The following ZRANB3 variants were observed in gnomAD, a reference collection of about 807,000 sequenced individuals.
The protein encoded by ZRANB3 is zinc finger RANBP2-type containing 3.
ZRANB3 carries 125 observed loss-of-function variants against 133.8 expected under a neutral mutation model. The ratio of observed to expected loss-of-function variants is 0.93; its 90% confidence interval spans 0.81 to 1.08. The LOEUF (loss-of-function observed/expected upper bound fraction) is 1.08. Ranked by LOEUF, ZRANB3 falls within the 50% of genes least tolerant of loss-of-function variation. The pLI is 0.00. For missense variants in ZRANB3, 1,229 were observed against 1,275.5 expected (o/e 0.96, Z 0.56); for synonymous variants, 387 against 432.7 (o/e 0.89, Z 1.31).
chr2:135,485,656 G>A (rs902316943), intron 2 of ZRANB3, among the ~76,000 whole-genome samples: 7 of 152,264 alleles, frequency 4.6e-5, no homozygotes, highest in South Asian at 4.1e-4. Flanking sequence ...TGCGGGTTCC[G>A]TTCCAGATCA....
chr2:135,335,485 G>A (rs1684328637), intron 6 of ZRANB3, among the ~76,000 whole-genome samples: 1 of 152,160 alleles, frequency 6.6e-6, no homozygotes, highest in South Asian at 2.1e-4. Flanking sequence ...TTGAGGTCTG[G>A]AGTTCGACAA....
At chr2:135,296,874 G>A (rs1050657076) in intron 8 of ZRANB3, among the ~76,000 whole-genome samples, 1 of 152,140 alleles carries the variant, frequency 6.6e-6, no homozygotes, top group African/African-American at 2.4e-5. Flanking sequence ...TATCAGCAGC[G>A]GTGGCTGCAG....
At chr2:135,292,994 G>A (rs1427298915) in intron 8 of ZRANB3, among the ~76,000 whole-genome samples, 1 of 152,062 alleles carries the variant, frequency 6.6e-6, no homozygotes, top group Non-Finnish European at 1.5e-5. Context: ...TTTGGTTACT[G>A]TAGCCTTGTA....
At chr2:135,352,417 C>T (rs1318544585) in intron 4 of ZRANB3, among the ~76,000 whole-genome samples, 1 of 151,872 alleles carries the variant, frequency 6.6e-6, no homozygotes, top group African/African-American at 2.4e-5. Flanking sequence ...AAAAATTCTA[C>T]ATTCTCTAAA....
intron 1 of ZRANB3, among the ~76,000 whole-genome samples, chr2:135,520,396 A>G (rs1331183809): frequency 6.7e-6 from 1 of 148,848 alleles, no homozygotes; most frequent in Non-Finnish European, 1.5e-5. Flanking sequence ...CTCCACCTCA[A>G]AGAGAAAAAA....
At chr2:135,266,773 A>G (rs547009069) in intron 11 of ZRANB3, among the ~76,000 whole-genome samples, 1 of 152,250 alleles carries the variant, frequency 6.6e-6, no homozygotes, top group South Asian at 2.1e-4. Context: ...TCTTAAAAAA[A>G]AAAAAAAGAG....
chr2:135,505,787 G>A (rs558188485), intron 1 of ZRANB3, among the ~76,000 whole-genome samples: 14 of 152,230 alleles, frequency 9.2e-5, no homozygotes, highest in Admixed American at 7.9e-4. Context: ...TTCTTCAGGG[G>A]AAAACTAAAA....
intron 19 of ZRANB3, 43 bp downstream of exon 19, chr2:135,207,391 C>T (rs1445200267): frequency 1.2e-5 from 19 of 1,533,900 alleles, no homozygotes; most frequent in Non-Finnish European, 1.7e-5. Context: ...ATTCATTACT[C>T]AGTACAATGC....
intron 3 of ZRANB3, among the ~76,000 whole-genome samples, chr2:135,382,640 T>G (rs1407983934): frequency 3.3e-5 from 5 of 152,152 alleles, no homozygotes; most frequent in Non-Finnish European, 2.9e-5. Context: ...ACGGCGGATC[T>G]CTCGGCAGAA....
At chr2:135,281,596 G>A (rs1446777911) in intron 8 of ZRANB3, among the ~76,000 whole-genome samples, 2 of 152,152 alleles carry the variant, frequency 1.3e-5, no homozygotes, top group Non-Finnish European at 2.9e-5. Context: ...TCATCTTGGG[G>A]CTATAATAGG....
chr2:135,477,451 T>TG (rs1691554592), intron 2 of ZRANB3, among the ~76,000 whole-genome samples: 1 of 152,200 alleles, frequency 6.6e-6, no homozygotes, highest in African/African-American at 2.4e-5. Flanking sequence ...GAGGAAGGTC[T>TG]GGTAGTAGCT....
In ZRANB3 at chr2:135,255,870, C is replaced by CA. The variant is rs910102284; in HGVS notation, c.1539+9663dup. On this transcript the variant is annotated intron_variant, in intron 12 of 20. Coordinates refer to ENST00000264159, the MANE Select transcript of ZRANB3 (RefSeq NM_032143.4). Reference sequence around the variant, plus strand: ...AAAAACAAAAACAACCCTCCTCAAACAAAAAAAACCCAATCAGATATTTAA... The same window carrying CA: ...AAAAACAAAAACAACCCTCCTCAAACAAAAAAAAACCCAATCAGATATTTAA... Among the ~76,000 whole-genome samples, 37 of 147,706 alleles carry CA rather than the reference C, an allele frequency of 2.5e-4. 1 individual carries two copies. Among genetic ancestry groups the CA allele is most frequent in the Admixed American group, 5.4e-4 (8 of 14,854 alleles).
intron 1 of ZRANB3, among the ~76,000 whole-genome samples, chr2:135,529,534 C>G (rs984658521): frequency 2.0e-5 from 3 of 152,114 alleles, no homozygotes; most frequent in African/African-American, 7.2e-5. Context: ...CGGAGTCTCG[C>G]TCTGTCACCC....
At chr2:135,326,334 T>G (rs1366646474) in intron 6 of ZRANB3, among the ~76,000 whole-genome samples, 1 of 152,172 alleles carries the variant, frequency 6.6e-6, no homozygotes, top group African/African-American at 2.4e-5. Flanking sequence ...TTGTGAAATT[T>G]TGGCGCACCC....
intron 15 of ZRANB3, 72 bp downstream of exon 15, chr2:135,224,351 TAAG>T: frequency 8.8e-7 from 1 of 1,131,848 alleles, no homozygotes; most frequent in Non-Finnish European, 1.2e-6. Context: ...TTAATAAAAT[TAAG>T]TATCTCCACT....
At chr2:135,452,061 C>T (rs1474631067) in intron 2 of ZRANB3, among the ~76,000 whole-genome samples, 1 of 152,048 alleles carries the variant, frequency 6.6e-6, no homozygotes. Flanking sequence ...TAAAGATATA[C>T]CAAAACTGGG....
chr2:135,208,942 C>T lies in ZRANB3; in HGVS notation c.2532G>A (p.Met844Ile). 1 of 1,613,928 alleles carries T rather than the reference C, an allele frequency of 6.2e-7. No homozygotes were observed. Among genetic ancestry groups the T allele is most frequent in the East Asian group, 2.2e-5 (1 of 44,882 alleles). Residue 844 changes from methionine to isoleucine, a missense_variant, in exon 18 of 21, where the codon ATG becomes ATA. Met to Ile is a conservative substitution (Grantham distance 10). Transcript: ENST00000264159. ...GGCCCCCAACATTCTTCACTTTGTC[C>T]ATTGAGGCTACGGCAACATCTTCTT... ...ITKEDVAVASMDKVKNVGGHV... is the reference protein window; with the variant it reads ...ITKEDVAVASIDKVKNVGGHV...
At chr2:135,300,031 A>G (rs1409549360) in intron 8 of ZRANB3, among the ~76,000 whole-genome samples, 8 of 152,202 alleles carry the variant, frequency 5.3e-5, no homozygotes, top group Non-Finnish European at 1.0e-4. Flanking sequence ...TGTCTAGAGC[A>G]AAGGAAGAGG....
chr2:135,339,247 C>G (rs1237050853), intron 6 of ZRANB3, among the ~76,000 whole-genome samples: 1 of 152,076 alleles, frequency 6.6e-6, no homozygotes, highest in Non-Finnish European at 1.5e-5. Context: ...CCCGTCTCTA[C>G]TAAAAATACA....
Sources: allele counts gnomAD v4.1 joint callset (sites outside exome capture counted in the v4.1 genomes callset), GRCh38; gene constraint gnomAD v4.1.1; transcripts MANE v1.5; gene names NCBI Gene and HGNC (gene_info 2026-07-23, HGNC 2026-07-21).